AASDH: variants seen among roughly 807,000 people sequenced by gnomAD.
AASDH encodes aminoadipate-semialdehyde dehydrogenase.
A neutral mutation model predicts 102.3 loss-of-function variants in AASDH; 81 were observed. The observed-to-expected ratio is 0.79, with a 90% CI of 0.66 to 0.95. AASDH has a LOEUF of 0.95. Ranked by LOEUF, AASDH falls within the 40% of genes least tolerant of loss-of-function variation. The pLI, the probability that AASDH is intolerant of heterozygous loss-of-function variation, is 0.00. For missense variants in AASDH, 1,203 were observed against 1,266.2 expected (o/e 0.95, Z 0.76); for synonymous variants, 398 against 454.0 (o/e 0.88, Z 1.57).
At chr4:56,382,628 A>C (rs1560622596) in intron 2 of AASDH, 31 bp from the exon 3 acceptor site, 1 of 1,586,254 alleles carries the variant, frequency 6.3e-7, no homozygotes. Context: ...TCAGCATAGA[A>C]TGTCTGTTGA....
chr4:56,348,164 A>C (rs1225764446), intron 11 of AASDH, among the ~76,000 whole-genome samples: 1 of 152,066 alleles, frequency 6.6e-6, no homozygotes, highest in Non-Finnish European at 1.5e-5. Context: ...AAAAAGAAAA[A>C]AAAAAAAAGT....
chr4:56,349,544 C>G lies in AASDH; in HGVS notation c.2207G>C (p.Cys736Ser). The change falls in exon 11 of 15, where the codon TGT becomes TCT. Residue 736 changes from cysteine (C) to serine (S), a missense_variant. Coordinates refer to ENST00000205214, the MANE Select transcript of AASDH (RefSeq NM_181806.4). ...CCCCTCTTCAGAAACTTTTGCAACACAGGATGGATCTTTTGACTTCCCAAT... is the reference window on the plus strand; with the variant it reads ...CCCCTCTTCAGAAACTTTTGCAACAGAGGATGGATCTTTTGACTTCCCAAT... The part of the protein sequence containing the change: ...VLIGKSKDPS[C>S]VAKVSEEGKP... 2 of 1,614,166 alleles carry G rather than the reference C, an allele frequency of 1.2e-6. No individual in the cohort carries two copies. Among genetic ancestry groups the G allele is most frequent in the Non-Finnish European group, 1.7e-6 (2 of 1,180,034 alleles).
At position 56,371,528 on chromosome 4, in the gene AASDH, C is replaced by A; in HGVS notation, c.784G>T (p.Val262Leu). ...GGGAGCAACTTGACGGAAGTTGGTA[C>A]AATAAGCAGAGAGGCACCACTTGAT... ...ALSSGASLLI[V>L]PTSVKLLPSK... The change falls in exon 5 of 15, where the codon GTA becomes TTA. Residue 262 changes from valine (V) to leucine (L), a missense_variant. By Grantham distance (32) the Val-to-Leu change is conservative. Coordinates refer to ENST00000205214, the MANE Select transcript of AASDH (RefSeq NM_181806.4). 1 of 1,613,194 alleles carries A rather than the reference C, an allele frequency of 6.2e-7. No homozygotes were observed. The highest frequency in any genetic ancestry group is 8.5e-7 in the Non-Finnish European group (1 of 1,179,888).
chr4:56,378,296 G>A lies in AASDH; in HGVS notation c.520C>T (p.His174Tyr). Residue 174 changes from histidine (H) to tyrosine (Y), a missense_variant, in exon 4 of 15, where the codon CAT becomes TAT. Transcript: ENST00000205214. ...KEKIKSISSEHVNEEKAEEHM... is the reference protein window; with the variant it reads ...KEKIKSISSEYVNEEKAEEHM... ...TCTTCTGCTTTTTCTTCATTGACAT[G>A]CTCAGAACTTATGCTTTTTATTTTT... 1 of 1,614,104 alleles carries A rather than the reference G, an allele frequency of 6.2e-7. No homozygotes were observed. Among genetic ancestry groups the A allele is most frequent in the Non-Finnish European group, 8.5e-7 (1 of 1,180,022 alleles).
intron 14 of AASDH, among the ~76,000 whole-genome samples, chr4:56,341,982 T>C (rs1290216682): frequency 1.3e-5 from 2 of 151,546 alleles, no homozygotes; most frequent in Admixed American, 1.3e-4. Context: ...CATGGCAGCA[T>C]GCGCCTGTAG....
intron 4 of AASDH, among the ~76,000 whole-genome samples, chr4:56,372,748 C>T (rs1242690681): frequency 1.3e-5 from 2 of 151,948 alleles, no homozygotes; most frequent in Non-Finnish European, 2.9e-5. Flanking sequence ...ACAGCCCACA[C>T]TCTTATAAAC....
intron 5 of AASDH, among the ~76,000 whole-genome samples, chr4:56,368,889 A>C (rs1370558937): frequency 6.6e-6 from 1 of 151,666 alleles, no homozygotes; most frequent in Non-Finnish European, 1.5e-5. Context: ...ACAAATGTAA[A>C]TATAAACTCC....
chr4:56,382,128 T>C (rs973724848), intron 3 of AASDH: 1 of 166,840 alleles, frequency 6.0e-6, no homozygotes, highest in African/African-American at 2.4e-5. Context: ...AATATATTAT[T>C]ATAAGGCTAA....
At chr4:56,377,151 T>G (rs1752457958) in intron 4 of AASDH, among the ~76,000 whole-genome samples, 1 of 152,180 alleles carries the variant, frequency 6.6e-6, no homozygotes, top group Non-Finnish European at 1.5e-5. Flanking sequence ...TCATTCCATT[T>G]TACTTTTGAA....
At chr4:56,350,841 C>T (rs1748913899) in intron 10 of AASDH, among the ~76,000 whole-genome samples, 1 of 152,058 alleles carries the variant, frequency 6.6e-6, no homozygotes, top group African/African-American at 2.4e-5. Flanking sequence ...CTTTTCAGAA[C>T]CCTTTAAAAA....
In AASDH at chr4:56,378,351, T is replaced by C. The variant is rs1752592167; in HGVS notation, c.465A>G (p.Leu155=). The change falls in exon 4 of 15, where the codon CTA becomes CTG. Residue 155 remains leucine (L), a synonymous_variant. Coordinates refer to ENST00000205214, the MANE Select transcript of AASDH (RefSeq NM_181806.4). ...TTTCATATTTCTCTTTTCCATCATT[T>C]AGCATCAAGTTCACCTCAGTATTTT... ...HWKNTEVNLM[L]NDGKEKYEKE... is the part of the protein sequence containing the mutation. 6.2e-7 allele frequency: 1 copy of C among 1,614,112 alleles called. No homozygotes were observed. Among genetic ancestry groups the C allele is most frequent in the Non-Finnish European group, 8.5e-7 (1 of 1,179,982 alleles).
In AASDH at chr4:56,371,655, C is replaced by T; in HGVS notation, c.669-12G>A. On this transcript the variant is annotated splice_polypyrimidine_tract_variant and intron_variant, in intron 4 of 14. Transcript: ENST00000205214. Reference sequence around the variant, plus strand: ...TGTCAAAAAGTACCCTAAGGCAAAACAGAATGCAGTTATGAGAAACGTCAA... The same window carrying T: ...TGTCAAAAAGTACCCTAAGGCAAAATAGAATGCAGTTATGAGAAACGTCAA... 1 of 1,594,420 alleles carries T rather than the reference C, an allele frequency of 6.3e-7. No homozygotes were observed. Among genetic ancestry groups the T allele is most frequent in the South Asian group, 1.1e-5 (1 of 87,212 alleles).
chr4:56,362,148 C>A (rs1302439296), intron 5 of AASDH, among the ~76,000 whole-genome samples: 1 of 152,184 alleles, frequency 6.6e-6, no homozygotes, highest in Non-Finnish European at 1.5e-5. Context: ...TAATTTCCTC[C>A]AAAGCTTAGT....
intron 5 of AASDH, chr4:56,356,541 C>G (rs908433085): frequency 4.7e-6 from 4 of 859,176 alleles, no homozygotes; most frequent in Non-Finnish European, 7.7e-6. Context: ...ACCTGTCCTT[C>G]GAGCAGGAGT....
Position 56,371,477 on chromosome 4 carries a change from A to C in AASDH, c.835T>G (p.Ser279Ala), listed in dbSNP as rs1291344126. 3.7e-6 allele frequency: 6 copies of C among 1,612,192 alleles called. No homozygotes were observed. In the Admixed American group the frequency reaches 8.4e-5, roughly 23 times the overall value. ...TGCAAAACAGTCACTCTATGATGGG[A>C]AAAGAGAACGCTGGCTAATTTTGAT... ...LPSKLASVLF[S>A]HHRVTVLQAT... is the part of the protein sequence containing the mutation. Residue 279 changes from serine (S) to alanine (A), a missense_variant, in exon 5 of 15, where the codon TCC becomes GCC. Ser to Ala is a moderately conservative substitution (Grantham distance 99). Coordinates refer to ENST00000205214, the MANE Select transcript of AASDH (RefSeq NM_181806.4).
chr4:56,341,288 G>C (rs1388114912), intron 14 of AASDH, among the ~76,000 whole-genome samples: 3 of 149,858 alleles, frequency 2.0e-5, no homozygotes. Context: ...AGTGGATAAA[G>C]AAAATGTAGT....
Position 56,374,368 on chromosome 4 carries a change from AG to A in AASDH, c.669-2726del, listed in dbSNP as rs1453499306. On this transcript the variant is annotated intron_variant, in intron 4 of 14. Transcript: ENST00000205214. ...GGGTGACAGAGTGAGACTCTGTCTCAGAAAAAAAAAAAAAAAAAAAAAGGAC... is the reference window on the plus strand; with the variant it reads ...GGGTGACAGAGTGAGACTCTGTCTCAAAAAAAAAAAAAAAAAAAAAAGGAC... Among the ~76,000 whole-genome samples the A allele has an allele frequency of 5.7e-3, 179 of 31,340 alleles. 10 individuals carry two copies. Among genetic ancestry groups the A allele is most frequent in the African/African-American group, 0.018 (142 of 7,980 alleles). The allele number at this position is 31,340 out of a possible 152,430, so 20.6% of individuals were successfully genotyped here.
In AASDH at chr4:56,350,014, C is replaced by A; in HGVS notation, c.1737G>T (p.Glu579Asp). Residue 579 changes from glutamate to aspartate, a missense_variant, in exon 11 of 15, where the codon GAG becomes GAT. By Grantham distance (45) the Glu-to-Asp change is conservative. Coordinates refer to ENST00000205214, the MANE Select transcript of AASDH (RefSeq NM_181806.4). ...LPEDLLRVPD[E>D]SLFLNSGGDS... ...CTCCACCACTATTTAAGAAGAGTGACTCATCAGGAACCCTCAAAAGATCTT... is the reference window on the plus strand; with the variant it reads ...CTCCACCACTATTTAAGAAGAGTGAATCATCAGGAACCCTCAAAAGATCTT... The A allele has an allele frequency of 1.2e-6, 2 of 1,607,376 alleles. No homozygotes were observed. Among genetic ancestry groups the A allele is most frequent in the Non-Finnish European group, 1.7e-6 (2 of 1,179,532 alleles).
chr4:56,360,931 C>T (rs10434444), intron 5 of AASDH, among the ~76,000 whole-genome samples: 26,130 of 152,062 alleles, frequency 0.17, 2,619 homozygotes, highest in Admixed American at 0.3. Context: ...CTAAACCATG[C>T]TCTTACCTGT....
Sources: gnomAD v4.1 joint callset for allele counts (sites outside exome capture counted in the v4.1 genomes callset) on GRCh38, gnomAD v4.1.1 for gene constraint, MANE v1.5 for transcripts, NCBI Gene and HGNC (gene_info 2026-07-23, HGNC 2026-07-21) for gene names.